Variants in KDM5A observed in about 807,000 individuals in gnomAD.
The protein encoded by KDM5A is lysine demethylase 5A, also known as lysine-specific demethylase 5A.
KDM5A carries 42 observed loss-of-function variants against 193.5 expected under a neutral mutation model. That is an observed-to-expected ratio of 0.22 (90% CI 0.17 to 0.28). The LOEUF is 0.28. Ranked by LOEUF, KDM5A falls within the 10% of genes least tolerant of loss-of-function variation. KDM5A has a pLI of 1.00. For missense variants in KDM5A, 1,692 were observed against 2,055.1 expected (o/e 0.82, Z 3.42); for synonymous variants, 796 against 718.1 (o/e 1.11, Z -1.73).
intron 1 of KDM5A, 106 bp downstream of exon 1, chr12:388,821 G>A (rs35171949): frequency 7.9e-5 from 106 of 1,348,080 alleles, no homozygotes; most frequent in Middle Eastern, 7.2e-4. Context: ...TGTCTCAAAA[G>A]AGAGTACATA....
chr12:319,469 T>A (rs750081006), intron 18 of KDM5A, among the ~76,000 whole-genome samples: 1 of 152,280 alleles, frequency 6.6e-6, no homozygotes, highest in Non-Finnish European at 1.5e-5. Context: ...CTTGGTTCAT[T>A]AAAAGGCGTG....
chr12:343,597 C>G (rs757855100), intron 10 of KDM5A, among the ~76,000 whole-genome samples: 1 of 152,194 alleles, frequency 6.6e-6, no homozygotes, highest in Non-Finnish European at 1.5e-5. Context: ...GTTCTGCAGC[C>G]TCCACTGGTG....
In KDM5A at chr12:284,116, AAG is replaced by A; in HGVS notation, c.*1338_*1339del. Reference sequence around the variant, plus strand: ...GGGAGTGCTAACTCCTTGTACTACAAAGAAGGAATGGGATTTTTTTTTTTAAA... The same window carrying A: ...GGGAGTGCTAACTCCTTGTACTACAAAAGGAATGGGATTTTTTTTTTTAAA... On this transcript the variant is annotated 3_prime_UTR_variant, in exon 28 of 28. Transcript: ENST00000399788. The A allele has an allele frequency of 4.3e-6, 1 of 232,454 alleles. No homozygotes were observed. The highest frequency in any genetic ancestry group is 8.5e-6 in the Non-Finnish European group (1 of 117,384). The allele number at this position is 232,454 out of a possible 1,614,324, so 14.4% of individuals were successfully genotyped here. A position where few individuals can be genotyped will look rare whatever the true frequency, so the allele number is the denominator to read the frequency against.
At chr12:289,359 AAATT>A (rs1214945624) in intron 27 of KDM5A, among the ~76,000 whole-genome samples, 1 of 152,168 alleles carries the variant, frequency 6.6e-6, no homozygotes, top group African/African-American at 2.4e-5. Context: ...CTGAACTTCA[AAATT>A]AATTTTTTAA....
intron 24 of KDM5A, among the ~76,000 whole-genome samples, chr12:305,978 T>TTTG (rs1555128075): frequency 7.0e-6 from 1 of 143,334 alleles, no homozygotes; most frequent in African/African-American, 2.6e-5. Context: ...TGTTTTTTTT[T>TTTG]TTTTTTTTTT....
chr12:295,508 A>G, intron 26 of KDM5A, 65 bp downstream of exon 26: 1 of 1,455,348 alleles, frequency 6.9e-7, no homozygotes, highest in Non-Finnish European at 9.6e-7. Flanking sequence ...AACATTTATG[A>G]TACCTCTAAG....
At chr12:312,978 AAAG>A in intron 20 of KDM5A, 75 bp downstream of exon 20, 1 of 1,422,468 alleles carries the variant, frequency 7.0e-7, no homozygotes, top group South Asian at 1.2e-5. Flanking sequence ...ATTCTATTCT[AAAG>A]AATTAATAGT....
chr12:384,217 G>A (rs1944612354), intron 2 of KDM5A, 64 bp from the exon 3 acceptor site: 1 of 1,302,318 alleles, frequency 7.7e-7, no homozygotes, highest in Non-Finnish European at 1.1e-6. Context: ...AACAGAGCAG[G>A]GGTCCCCAAA....
At chr12:293,249 G>T in intron 26 of KDM5A, 80 bp from the exon 27 acceptor site, 1 of 1,193,242 alleles carries the variant, frequency 8.4e-7, no homozygotes, top group Non-Finnish European at 1.2e-6. Context: ...GAGGTACCTA[G>T]AATAGACACA....
intron 1 of KDM5A, among the ~76,000 whole-genome samples, chr12:386,491 A>G (rs925175504): frequency 1.3e-5 from 2 of 152,164 alleles, no homozygotes; most frequent in Admixed American, 6.5e-5. Context: ...ATTTCCTTAC[A>G]CTTATTTCCA....
chr12:294,620 A>C (rs1382523439), intron 26 of KDM5A, among the ~76,000 whole-genome samples: 3 of 152,234 alleles, frequency 2.0e-5, no homozygotes, highest in Non-Finnish European at 2.9e-5. Flanking sequence ...AAACAAAAAC[A>C]AACTATAGCA....
In KDM5A at chr12:322,563, C is replaced by T. The variant is rs776815683; in HGVS notation, c.2280G>A (p.Leu760=). ...CTTCCAGCATTACTCGCAATTCAATCAAATCTGTAAAAATTTAAATAAAGA... is the reference window on the plus strand; with the variant it reads ...CTTCCAGCATTACTCGCAATTCAATTAAATCTGTAAAAATTTAAATAAAGA... ...LSANFNHKKD[L]IELRVMLEDA... Residue 760 remains leucine, a synonymous_variant, in exon 17 of 28, where the codon TTG becomes TTA. Transcript: ENST00000399788. 1.9e-6 allele frequency: 3 copies of T among 1,611,654 alleles called. No homozygotes were observed. The Admixed American group carries it at 5.0e-5, about 27-fold the overall frequency.
At chr12:364,401 C>T (rs557943309) in intron 4 of KDM5A, among the ~76,000 whole-genome samples, 2 of 151,634 alleles carry the variant, frequency 1.3e-5, no homozygotes, top group East Asian at 1.9e-4. Flanking sequence ...CACTTGAAAC[C>T]GGGAGGCGGA....
chr12:377,302 G>GA (rs1276490681), intron 3 of KDM5A, among the ~76,000 whole-genome samples: 4 of 151,680 alleles, frequency 2.6e-5, no homozygotes, highest in Admixed American at 6.6e-5. Context: ...AAAAAGAAGA[G>GA]AAAAAATAAG....
chr12:323,943 T>C (rs1167808843), intron 14 of KDM5A, among the ~76,000 whole-genome samples, 162 bp from the exon 15 acceptor site: 1 of 152,200 alleles, frequency 6.6e-6, no homozygotes, highest in Non-Finnish European at 1.5e-5. Context: ...AAGTAATCAT[T>C]GCTAAATTTT....
chr12:349,868 G>A lies in KDM5A; in HGVS notation c.1308+753C>T, dbSNP rs568191613. Among the ~76,000 whole-genome samples, 18 of 151,754 alleles carry A rather than the reference G, an allele frequency of 1.2e-4. No individual in the cohort carries two copies. The East Asian group carries it at 3.5e-3, about 30-fold the overall frequency. The stretch of plus-strand genomic sequence containing the variant: ...GAGCTGGCCGGGCGCAGTGACTCAC[G>A]CCTGTAATCCCAGCACTCTGGGAGG... On this transcript the variant is annotated intron_variant, in intron 10 of 27. Transcript: ENST00000399788.
intron 3 of KDM5A, among the ~76,000 whole-genome samples, chr12:380,518 C>T (rs1030371499): frequency 1.3e-5 from 2 of 152,080 alleles, no homozygotes; most frequent in Non-Finnish European, 2.9e-5. Context: ...GAGTTCAAGG[C>T]CAGCCTGGCC....
chr12:359,006 C>A (rs1029502177), intron 5 of KDM5A, among the ~76,000 whole-genome samples: 17 of 140,932 alleles, frequency 1.2e-4, no homozygotes, highest in Admixed American at 1.1e-3. Context: ...TAAAAAAAAA[C>A]AATAAAAAGA....
At chr12:299,797 C>T (rs1290911445) in intron 24 of KDM5A, among the ~76,000 whole-genome samples, 1 of 151,910 alleles carries the variant, frequency 6.6e-6, no homozygotes, top group East Asian at 1.9e-4. Context: ...TCAGGAGACC[C>T]ATCTTACTCA....
Sources: allele counts gnomAD v4.1 joint callset (sites outside exome capture counted in the v4.1 genomes callset), GRCh38; gene constraint gnomAD v4.1.1; transcripts MANE v1.5; gene names NCBI Gene and HGNC (gene_info 2026-07-23, HGNC 2026-07-21).